The following DPYSL2 variants were observed in gnomAD, a reference collection of about 807,000 sequenced individuals.
DPYSL2 encodes the protein dihydropyrimidinase like 2, also known as dihydropyrimidinase-related protein 2.
In DPYSL2, 13 loss-of-function variants were observed where a neutral mutation model predicts 69.9. The ratio of observed to expected loss-of-function variants is 0.19; its 90% CI spans 0.12 to 0.30. The LOEUF is 0.30. DPYSL2 is among the 10% of genes least tolerant of loss of function. DPYSL2 has a pLI of 1.00. For missense variants in DPYSL2, 587 were observed against 918.9 expected (o/e 0.64, Z 4.67); for synonymous variants, 326 against 359.1 (o/e 0.91, Z 1.04).
Position 26,655,776 on chromosome 8 carries a change from T to C in DPYSL2, c.*70T>C. ...CTGAGGACATTCTGAGACTTCTTTC[T>C]TCCTTCCTTTTTTTTTTTTTGTTTT... On this transcript the variant is annotated 3_prime_UTR_variant, in exon 14 of 14. Coordinates refer to ENST00000521913, the MANE Select transcript of DPYSL2 (RefSeq NM_001197293.3). The C allele has an allele frequency of 2.4e-6, 3 of 1,259,620 alleles. No individual in the cohort carries two copies. Among genetic ancestry groups the C allele is most frequent in the Non-Finnish European group, 3.2e-6 (3 of 935,430 alleles). The allele number at this position is 1,259,620 out of a possible 1,614,324, so 78.0% of individuals were successfully genotyped here. A position where few individuals can be genotyped will look rare whatever the true frequency, so the allele number is the denominator to read the frequency against.
chr8:26,592,642 A>C (rs1361755643), intron 3 of DPYSL2, among the ~76,000 whole-genome samples: 1 of 150,524 alleles, frequency 6.6e-6, no homozygotes, highest in Non-Finnish European at 1.5e-5. Flanking sequence ...TGCCCAGCTA[A>C]TTTTTTTTGT....
intron 1 of DPYSL2, among the ~76,000 whole-genome samples, chr8:26,575,427 C>T (rs564014887): frequency 6.6e-6 from 1 of 152,058 alleles, no homozygotes; most frequent in East Asian, 1.9e-4. Context: ...TTCCTCATTG[C>T]GCTGAATGGT....
chr8:26,643,656 G>C lies in DPYSL2; in HGVS notation c.1283+61G>C. On this transcript the variant is annotated intron_variant, in intron 9 of 13. Coordinates refer to ENST00000521913, the MANE Select transcript of DPYSL2 (RefSeq NM_001197293.3). This position sits in a 1 kb window ranked among gnomAD's most constrained non-coding sequence, Gnocchi z 6.5. ...GTCTTTCTTCAGACCAGACTGACCT[G>C]TTAGGCGAAAACAACATGGTGGCCA... is the stretch of plus-strand genomic sequence containing the variant. 1 of 1,610,530 alleles carries C rather than the reference G, an allele frequency of 6.2e-7. No individual in the cohort carries two copies. The highest frequency in any genetic ancestry group is 8.5e-7 in the Non-Finnish European group (1 of 1,177,540).
At chr8:26,584,713 C>T (rs564792686) in intron 3 of DPYSL2, among the ~76,000 whole-genome samples, 12 of 151,320 alleles carry the variant, frequency 7.9e-5, no homozygotes, top group Non-Finnish European at 1.5e-4. Context: ...TCTGCCTCCC[C>T]GGTTCAAGTG....
In DPYSL2 at chr8:26,533,686, C is replaced by G. The variant is rs557672223; in HGVS notation, c.354+19007C>G. On this transcript the variant is annotated intron_variant, in intron 1 of 13. Transcript: ENST00000521913. This position sits in a 1 kb window ranked among gnomAD's most constrained non-coding sequence, Gnocchi z 4.8. ...TTGCCACACAGCATTAGAGAAACCA[C>G]TGGTGCCAAAAAGGCTGCATCGGGA... 2.0e-5 allele frequency among the ~76,000 whole-genome samples: 3 copies of G among 152,236 alleles called. No homozygotes were observed. Among genetic ancestry groups the G allele is most frequent in the Non-Finnish European group, 4.4e-5 (3 of 68,048 alleles).
At chr8:26,555,947 C>T (rs1171131221) in intron 1 of DPYSL2, among the ~76,000 whole-genome samples, 1 of 123,410 alleles carries the variant, frequency 8.1e-6, no homozygotes, top group African/African-American at 3.1e-5. Context: ...ACTATATATA[C>T]ATATACATGT....
intron 8 of DPYSL2, among the ~76,000 whole-genome samples, chr8:26,636,931 G>C (rs1226419036): frequency 6.6e-6 from 1 of 151,960 alleles, no homozygotes; most frequent in Non-Finnish European, 1.5e-5. Flanking sequence ...TAGTAGAGAC[G>C]GGGTTTCACC....
intron 3 of DPYSL2, among the ~76,000 whole-genome samples, chr8:26,613,009 C>T (rs1349130911): frequency 1.3e-5 from 2 of 152,202 alleles, no homozygotes; most frequent in Non-Finnish European, 2.9e-5. Context: ...CACTTAAAAA[C>T]ACTATGTCTA....
intron 1 of DPYSL2, among the ~76,000 whole-genome samples, chr8:26,563,227 C>T (rs1224978257): frequency 6.6e-6 from 1 of 152,190 alleles, no homozygotes; most frequent in Non-Finnish European, 1.5e-5. Context: ...TCACAGTTCT[C>T]CAGTCACACT....
At chr8:26,532,007 C>T (rs1027543798) in intron 1 of DPYSL2, among the ~76,000 whole-genome samples, 1 of 151,664 alleles carries the variant, frequency 6.6e-6, no homozygotes, top group Non-Finnish European at 1.5e-5. Context: ...GCACTTGTGC[C>T]TTTTGAAGGT....
intron 1 of DPYSL2, among the ~76,000 whole-genome samples, chr8:26,542,121 A>G (rs1440264786): frequency 6.6e-6 from 1 of 152,092 alleles, no homozygotes; most frequent in Non-Finnish European, 1.5e-5. Context: ...CCCCATATCT[A>G]CAAAAAAATT....
At chr8:26,518,468 CT>C (rs542634030) in intron 1 of DPYSL2, among the ~76,000 whole-genome samples, 7 of 152,258 alleles carry the variant, frequency 4.6e-5, no homozygotes, top group Middle Eastern at 3.4e-3. Context: ...TTTACATAGC[CT>C]AAAATTTGCC....
intron 1 of DPYSL2, among the ~76,000 whole-genome samples, chr8:26,532,855 CAT>C (rs1458726126): frequency 5.3e-5 from 8 of 152,156 alleles, no homozygotes; most frequent in Non-Finnish European, 1.2e-4. Context: ...TCTGTGTGAA[CAT>C]ATGTTTCCAT....
At chr8:26,578,835 G>A (rs903862881) in intron 1 of DPYSL2, among the ~76,000 whole-genome samples, 1 of 152,238 alleles carries the variant, frequency 6.6e-6, no homozygotes. Flanking sequence ...TGCTGAAAAG[G>A]GCAGGGTGTA....
chr8:26,531,794 GA>G, intron 1 of DPYSL2, among the ~76,000 whole-genome samples: 1 of 151,582 alleles, frequency 6.6e-6, no homozygotes. Context: ...ATTAAAGGCA[GA>G]AAAAAAATGA....
In DPYSL2 at chr8:26,657,928, A is replaced by G. The variant is rs906672793; in HGVS notation, c.*2222A>G. The G allele has an allele frequency of 1.3e-5, 2 of 152,644 alleles. No homozygotes were observed. The highest frequency in any genetic ancestry group is 1.5e-5 in the Non-Finnish European group (1 of 68,046). The allele number at this position is 152,644 out of a possible 1,614,324, so 9.5% of individuals were successfully genotyped here. On this transcript the variant is annotated 3_prime_UTR_variant, in exon 14 of 14. Coordinates refer to ENST00000521913, the MANE Select transcript of DPYSL2 (RefSeq NM_001197293.3). ...AATAACTGCAGTGACTTGATGCTCT[A>G]AAACAGTGTAGGATTTAAGAATAGA...
chr8:26,626,504 CA>C lies in DPYSL2; in HGVS notation c.794-112del. 1 of 821,894 alleles carries C rather than the reference CA, an allele frequency of 1.2e-6. No individual in the cohort carries two copies. The highest frequency in any genetic ancestry group is 1.7e-5 in the African/African-American group (1 of 59,372). The allele number at this position is 821,894 out of a possible 1,614,324, so 50.9% of individuals were successfully genotyped here. ...TGAAACACACACACACACACACACA[CA>C]CACACACACACACACACGTACACAC... is the stretch of plus-strand genomic sequence containing the variant. On this transcript the variant is annotated intron_variant, in intron 4 of 13. Coordinates refer to ENST00000521913, the MANE Select transcript of DPYSL2 (RefSeq NM_001197293.3). The surrounding 1 kb of genome is among the most constrained non-coding windows in gnomAD (Gnocchi z 4.3).
chr8:26,549,584 G>T (rs903785759), intron 1 of DPYSL2, among the ~76,000 whole-genome samples: 1 of 152,020 alleles, frequency 6.6e-6, no homozygotes, highest in East Asian at 1.9e-4. Context: ...CACCAAGCAG[G>T]ATCAGTACTA....
chr8:26,574,588 A>C (rs1009837709), intron 1 of DPYSL2, among the ~76,000 whole-genome samples: 4 of 152,214 alleles, frequency 2.6e-5, no homozygotes, highest in Admixed American at 1.3e-4. Context: ...CGGAACAGGC[A>C]ATTTTACATT....
Sources: allele counts gnomAD v4.1 joint callset (sites outside exome capture counted in the v4.1 genomes callset), GRCh38; gene constraint gnomAD v4.1.1; non-coding constraint Gnocchi (gnomAD v3.1); transcripts MANE v1.5; gene names NCBI Gene and HGNC (gene_info 2026-07-23, HGNC 2026-07-21).